WDFY1: variants seen among roughly 807,000 people sequenced by gnomAD.
The protein encoded by WDFY1 is WD repeat and FYVE domain containing 1, also known as WD repeat and FYVE domain-containing protein 1.
WDFY1 carries 32 observed loss-of-function variants against 56.4 expected under a neutral mutation model. That is an observed-to-expected ratio of 0.57 (90% CI 0.43 to 0.76). WDFY1 has a LOEUF of 0.76. Among genes scored for constraint, WDFY1 ranks in the 30% least tolerant of loss-of-function variants. WDFY1 has a pLI of 0.00. For synonymous variants in WDFY1, 192 were observed against 197.3 expected, an observed-to-expected ratio of 0.97 and a Z score of 0.23; for missense variants, 480 against 545.7, an observed-to-expected ratio of 0.88 and a Z score of 1.20.
intron 10 of WDFY1, 138 bp from the exon 11 acceptor site, chr2:223,880,370 G>T: frequency 1.5e-6 from 1 of 667,278 alleles, no homozygotes. Flanking sequence ...ACTTTGGGAG[G>T]CCGAGACGGG....
intron 1 of WDFY1, among the ~76,000 whole-genome samples, chr2:223,944,508 T>C (rs1442248838): frequency 7.1e-6 from 1 of 140,200 alleles, no homozygotes; most frequent in Non-Finnish European, 1.5e-5. Context: ...TGAGACAGAG[T>C]TCCCGCGCTG....
chr2:223,922,287 A>G (rs1350576052), intron 1 of WDFY1, among the ~76,000 whole-genome samples: 1 of 152,252 alleles, frequency 6.6e-6, no homozygotes, highest in Non-Finnish European at 1.5e-5. Flanking sequence ...TCCAATGATG[A>G]TCCTTAAACA....
intron 1 of WDFY1, among the ~76,000 whole-genome samples, chr2:223,935,748 T>C (rs1694158363): frequency 6.6e-6 from 1 of 152,136 alleles, no homozygotes; most frequent in Non-Finnish European, 1.5e-5. Context: ...TAACTAGGCA[T>C]CATCAGTAAT....
At chr2:223,908,402 C>T (rs936097488) in intron 3 of WDFY1, among the ~76,000 whole-genome samples, 3 of 152,100 alleles carry the variant, frequency 2.0e-5, no homozygotes, top group Non-Finnish European at 4.4e-5. Flanking sequence ...TACGTGCCAT[C>T]CCAAAGGCAC....
intron 2 of WDFY1, among the ~76,000 whole-genome samples, chr2:223,916,411 A>G (rs1693788814): frequency 6.6e-6 from 1 of 152,206 alleles, no homozygotes; most frequent in Non-Finnish European, 1.5e-5. Flanking sequence ...CTCTTAAGAA[A>G]GCAGTGGACA....
chr2:223,903,003 G>A (rs1046693935), intron 4 of WDFY1, among the ~76,000 whole-genome samples: 3 of 152,058 alleles, frequency 2.0e-5, no homozygotes, highest in African/African-American at 7.2e-5. Flanking sequence ...CCTTTCTGCT[G>A]TTTGGTTTTT....
At chr2:223,933,087 T>C (rs796301895) in intron 1 of WDFY1, among the ~76,000 whole-genome samples, 2 of 152,124 alleles carry the variant, frequency 1.3e-5, no homozygotes, top group Non-Finnish European at 2.9e-5. Flanking sequence ...TGTTAGATTG[T>C]TATTGAATTT....
rs77295224 is a variant in WDFY1 at position 223,895,500 on chromosome 2, G to A, written c.725+4C>T. 1.4e-5 allele frequency: 23 copies of A among 1,613,734 alleles called. No individual in the cohort carries two copies. The highest frequency in any genetic ancestry group is 2.2e-5 in the East Asian group (1 of 44,864). The stretch of plus-strand genomic sequence containing the variant: ...TTTCCCCACCCCCACAAGTGGTCAC[G>A]CACTGATGGCCCTGAAGTAACAGCG... On this transcript the variant is annotated splice_donor_region_variant and intron_variant, in intron 7 of 11. Coordinates refer to ENST00000233055, the MANE Select transcript of WDFY1 (RefSeq NM_020830.5).
At chr2:223,887,118 A>G (rs1466094413) in intron 8 of WDFY1, among the ~76,000 whole-genome samples, 3 of 152,092 alleles carry the variant, frequency 2.0e-5, no homozygotes, top group Middle Eastern at 6.3e-3. Context: ...GAGAAAGATT[A>G]TTTTCTTGAT....
At chr2:223,895,995 C>T (rs1007170018) in intron 6 of WDFY1, among the ~76,000 whole-genome samples, 1 of 150,760 alleles carries the variant, frequency 6.6e-6, no homozygotes, top group Non-Finnish European at 1.5e-5. Context: ...CCTATCTCTC[C>T]AAAAAAACAA....
chr2:223,897,390 A>ATATATATATATATATTTTTTTT (rs1461451983), intron 6 of WDFY1, among the ~76,000 whole-genome samples: 2 of 125,994 alleles, frequency 1.6e-5, no homozygotes, highest in African/African-American at 5.9e-5. Context: ...ATATATATAT[A>ATATATATATATATATTTTTTTT]TTTTTTAAGA....
chr2:223,928,803 A>G (rs899710346), intron 1 of WDFY1, among the ~76,000 whole-genome samples: 1 of 152,228 alleles, frequency 6.6e-6, no homozygotes, highest in Non-Finnish European at 1.5e-5. Context: ...CTGGCCTTCA[A>G]ATGAACTTGT....
chr2:223,904,853 A>G (rs1391269202), intron 4 of WDFY1, among the ~76,000 whole-genome samples: 2 of 152,194 alleles, frequency 1.3e-5, no homozygotes, highest in East Asian at 1.9e-4. Flanking sequence ...TGCAACTTCA[A>G]TCTGAAGTTG....
chr2:223,923,400 G>C (rs1029191965), intron 1 of WDFY1, among the ~76,000 whole-genome samples: 1 of 152,122 alleles, frequency 6.6e-6, no homozygotes, highest in Non-Finnish European at 1.5e-5. Context: ...CCAGTAAATT[G>C]GAAGTAAAAT....
Position 223,898,877 on chromosome 2 carries a change from T to C in WDFY1, c.598+81A>G. On this transcript the variant is annotated intron_variant, in intron 6 of 11. Transcript: ENST00000233055. Reference sequence around the variant, plus strand: ...CTGACAGATCATGAGGAACACAGCATTCATGAATCCACATAGTAGAGAACT... The same window carrying C: ...CTGACAGATCATGAGGAACACAGCACTCATGAATCCACATAGTAGAGAACT... The C allele has an allele frequency of 4.8e-6, 5 of 1,037,922 alleles. No homozygotes were observed. The South Asian group carries it at 5.3e-5, about 11-fold the overall frequency. 64.3% of individuals were successfully genotyped at this position (1,037,922 alleles called of 1,614,324 possible).
At chr2:223,880,556 G>T (rs1031728008) in intron 10 of WDFY1, among the ~76,000 whole-genome samples, 1 of 149,202 alleles carries the variant, frequency 6.7e-6, no homozygotes, top group Non-Finnish European at 1.5e-5. Context: ...GCAGTGAGCC[G>T]AGATTGTACC....
intron 8 of WDFY1, among the ~76,000 whole-genome samples, chr2:223,889,801 G>A (rs1006936397): frequency 5.9e-5 from 9 of 152,206 alleles, no homozygotes; most frequent in African/African-American, 2.2e-4. Context: ...TTAATATTTG[G>A]GAAGTGTTCA....
At chr2:223,892,508 C>T (rs1475609129) in intron 8 of WDFY1, among the ~76,000 whole-genome samples, 1 of 152,212 alleles carries the variant, frequency 6.6e-6, no homozygotes, top group South Asian at 2.1e-4. Flanking sequence ...CACTAGATTA[C>T]ACATTTCTTG....
intron 10 of WDFY1, 119 bp downstream of exon 10, chr2:223,881,823 T>A: frequency 7.3e-7 from 1 of 1,368,942 alleles, no homozygotes; most frequent in Non-Finnish European, 9.8e-7. Flanking sequence ...CTTAGGAAAT[T>A]CAGGAGAAAC....
Sources: allele counts gnomAD v4.1 joint callset (sites outside exome capture counted in the v4.1 genomes callset), GRCh38; gene constraint gnomAD v4.1.1; transcripts MANE v1.5; gene names NCBI Gene and HGNC (gene_info 2026-07-23, HGNC 2026-07-21).